The following OGG1 variants were observed in gnomAD, a reference collection of about 807,000 sequenced individuals.
OGG1 encodes the protein 8-oxoguanine DNA glycosylase, also known as N-glycosylase/DNA lyase.
Under a neutral mutation model 42.3 loss-of-function variants are expected in OGG1, and 35 were observed. The observed-to-expected ratio is 0.83, with a 90% CI of 0.63 to 1.10. The LOEUF (loss-of-function observed/expected upper bound fraction) is 1.10. Ranked by LOEUF, OGG1 falls within the 50% of genes least tolerant of loss-of-function variation. OGG1 has a pLI of 0.00. For missense variants in OGG1, 484 were observed against 446.7 expected (o/e 1.08, Z -0.75); for synonymous variants, 189 against 179.0 (o/e 1.06, Z -0.44).
downstream of OGG1, chr3:9,760,882 T>C: frequency 3.4e-6 from 5 of 1,470,180 alleles, no homozygotes; most frequent in Non-Finnish European, 4.6e-6. Flanking sequence ...GTTCCCCCTT[T>C]ATAAACTCTA....
At chr3:9,761,005 C>T (rs193236381), downstream of OGG1, 129 of 502,356 alleles carry the variant, frequency 2.6e-4, no homozygotes, top group African/African-American at 2.3e-3. Flanking sequence ...TCTGCCTATG[C>T]CACTCTTTCC....
downstream of OGG1, among the ~76,000 whole-genome samples, chr3:9,788,511 C>T (rs1265922530): frequency 6.6e-6 from 1 of 150,454 alleles, no homozygotes; most frequent in African/African-American, 2.4e-5. Flanking sequence ...TCCCAAAGGG[C>T]TGGGATTACA....
chr3:9,770,235 C>T (rs1049293426), downstream of OGG1, among the ~76,000 whole-genome samples: 3 of 152,158 alleles, frequency 2.0e-5, no homozygotes, highest in African/African-American at 7.2e-5. Context: ...ATTCGAACCC[C>T]GTCTGTCTGA....
rs896394684 is a variant in OGG1 at position 9,757,362 on chromosome 3, T to G, written c.*212T>G. ...GCGCTAAGGATGGTTTTATCTTCCC[T>G]TTATTACAAGAAGGAACAATAAAAT... On this transcript the variant is annotated 3_prime_UTR_variant, in exon 7 of 7. Transcript: ENST00000344629. This position sits in a 1 kb window ranked among gnomAD's most constrained non-coding sequence, Gnocchi z 4.5. 3.7e-6 allele frequency: 6 copies of G among 1,613,984 alleles called. No individual in the cohort carries two copies. Among genetic ancestry groups the G allele is most frequent in the African/African-American group, 1.3e-5 (1 of 75,034 alleles).
chr3:9,753,197 A>C (rs1202470116), intron 3 of OGG1, among the ~76,000 whole-genome samples: 1 of 151,882 alleles, frequency 6.6e-6, no homozygotes, highest in East Asian at 1.9e-4. Flanking sequence ...GCTAAAAATT[A>C]GCTGGGCGTG....
intron 7 of OGG1, among the ~76,000 whole-genome samples, chr3:9,764,623 T>G (rs564973111): frequency 5.4e-5 from 7 of 129,932 alleles, no homozygotes; most frequent in South Asian, 2.6e-4. Context: ...TTTTGTTTTT[T>G]TTTTGTTTTT....
At chr3:9,772,254 T>C (rs2078311711) in intron 2 of OGG1, among the ~76,000 whole-genome samples, 1 of 152,256 alleles carries the variant, frequency 6.6e-6, no homozygotes, top group African/African-American at 2.4e-5. Context: ...TGATACATGG[T>C]CATTGCAGGA....
chr3:9,773,314 G>A (rs1056610383), intron 2 of OGG1, among the ~76,000 whole-genome samples: 3 of 151,750 alleles, frequency 2.0e-5, no homozygotes, highest in Admixed American at 2.0e-4. Flanking sequence ...TGGATCATGA[G>A]GTCAGGAGAT....
intron 2 of OGG1, among the ~76,000 whole-genome samples, chr3:9,775,287 T>C (rs901371021): frequency 4.6e-5 from 7 of 152,170 alleles, no homozygotes; most frequent in Non-Finnish European, 1.0e-4. Context: ...GAGCTTTTGA[T>C]TAAAGGTTTT....
At chr3:9,767,792 A>G, downstream of OGG1, 1 of 1,611,532 alleles carries the variant, frequency 6.2e-7, no homozygotes, top group Non-Finnish European at 8.5e-7. Flanking sequence ...CTGTAAGGAG[A>G]ATGGAAGGAG....
At position 9,766,058 on chromosome 3, in the gene OGG1, G is replaced by A. The variant is rs747025659; in HGVS notation, c.*227G>A. 9.4e-6 allele frequency: 15 copies of A among 1,588,924 alleles called. No individual in the cohort carries two copies. The highest frequency in any genetic ancestry group is 1.3e-5 in the Non-Finnish European group (15 of 1,166,740). The stretch of plus-strand genomic sequence containing the variant: ...CTCCAGAGATGGTCACATGACCCAG[G>A]CCTGGCCAGTCAAAGTAGTCTCTCC... On this transcript the variant is annotated 3_prime_UTR_variant, in exon 8 of 8. Coordinates refer to the OGG1 transcript ENST00000302008.
At chr3:9,783,088 A>T (rs2078518129) in intron 3 of OGG1, 1 of 152,200 alleles carries the variant, frequency 6.6e-6, no homozygotes. Flanking sequence ...AGCAAATAAA[A>T]ATCACAGATC....
At chr3:9,757,417 G>A, downstream of OGG1, 3 of 1,609,080 alleles carry the variant, frequency 1.9e-6, no homozygotes, top group Non-Finnish European at 1.7e-6. This position sits in a 1 kb window ranked among gnomAD's most constrained non-coding sequence, Gnocchi z 4.5. Flanking sequence ...ATGCAGTGAG[G>A]AGTGGTAGGG....
chr3:9,754,064 T>TA (rs2077428748), intron 3 of OGG1, among the ~76,000 whole-genome samples: 1 of 152,096 alleles, frequency 6.6e-6, no homozygotes, highest in African/African-American at 2.4e-5. Flanking sequence ...GCTTGAGCCT[T>TA]AGGAGGTCAA....
intron 2 of OGG1, among the ~76,000 whole-genome samples, chr3:9,773,252 G>C (rs868520044): frequency 6.6e-6 from 1 of 151,214 alleles, no homozygotes; most frequent in Admixed American, 6.6e-5. Flanking sequence ...AAAAGTGGCT[G>C]GGTGCGGTGG....
At chr3:9,780,448 T>G in intron 2 of OGG1, 1 of 1,612,402 alleles carries the variant, frequency 6.2e-7, no homozygotes, top group Non-Finnish European at 8.5e-7. Context: ...CCGCTTCTTC[T>G]GCCGGGCAGC....
At chr3:9,756,732 G>A (rs767908051) in intron 5 of OGG1, 35 bp from the exon 6 acceptor site, 5 of 1,614,052 alleles carry the variant, frequency 3.1e-6, no homozygotes, top group Admixed American at 1.7e-5. Context: ...TCACAGAAGG[G>A]GTCAGATAAC....
intron 2 of OGG1, among the ~76,000 whole-genome samples, chr3:9,777,315 C>T (rs936531858): frequency 2.0e-5 from 3 of 152,136 alleles, no homozygotes; most frequent in Non-Finnish European, 2.9e-5. Flanking sequence ...GGAACTAATC[C>T]GCCCTCCTCA....
In OGG1 at chr3:9,751,196, A is replaced by T; in HGVS notation, c.385+4A>T. 6.2e-7 allele frequency: 1 copy of T among 1,613,672 alleles called. No homozygotes were observed. The highest frequency in any genetic ancestry group is 2.2e-5 in the East Asian group (1 of 44,902). ...GAGGTGGCTCAGAAATTCCAAGGTG[A>T]GTACAGGACCTGGGCTGGGGTTAGG... is the stretch of plus-strand genomic sequence containing the variant. On this transcript the variant is annotated splice_donor_region_variant and intron_variant, in intron 2 of 6. Coordinates refer to ENST00000344629, the MANE Select transcript of OGG1 (RefSeq NM_002542.6).
Sources: gnomAD v4.1 joint callset for allele counts (sites outside exome capture counted in the v4.1 genomes callset) on GRCh38, gnomAD v4.1.1 for gene constraint, Gnocchi (gnomAD v3.1) non-coding constraint, MANE v1.5 for transcripts, NCBI Gene and HGNC (gene_info 2026-07-23, HGNC 2026-07-21) for gene names.